THRB: variants seen among roughly 807,000 people sequenced by gnomAD.
THRB encodes thyroid hormone receptor beta.
Under a neutral mutation model 47.8 loss-of-function variants are expected in THRB, and 12 were observed. The observed-to-expected ratio is 0.25, with a 90% CI of 0.16 to 0.41. The LOEUF is 0.41. Among genes scored for constraint, THRB ranks in the 10% least tolerant of loss-of-function variants. The pLI is 1.00. For missense variants in THRB, 348 were observed against 589.2 expected, an observed-to-expected ratio of 0.59 and a Z score of 4.24; for synonymous variants, 218 against 212.2, an observed-to-expected ratio of 1.03 and a Z score of -0.24.
intron 1 of THRB, among the ~76,000 whole-genome samples, chr3:24,364,047 G>C (rs1318993614): frequency 1.3e-5 from 2 of 152,064 alleles, no homozygotes; most frequent in African/African-American, 4.8e-5. Flanking sequence ...GCAAACATTA[G>C]AATTCTACCT....
At chr3:24,173,438 T>C (rs1477451719) in intron 5 of THRB, among the ~76,000 whole-genome samples, 3 of 152,208 alleles carry the variant, frequency 2.0e-5, no homozygotes, top group Non-Finnish European at 4.4e-5. Flanking sequence ...GGCCTCTACT[T>C]TGAGTTTTGG....
chr3:24,348,439 C>T (rs2063158439), intron 1 of THRB: 1 of 151,492 alleles, frequency 6.6e-6, no homozygotes, highest in South Asian at 2.1e-4. Context: ...GACATTCAAA[C>T]ACACCAATGA....
intron 3 of THRB, among the ~76,000 whole-genome samples, chr3:24,290,368 C>T (rs974551692): frequency 6.6e-6 from 1 of 152,180 alleles, no homozygotes; most frequent in Non-Finnish European, 1.5e-5. Context: ...GGCCGAGACC[C>T]TCTTTGGGCC....
At chr3:24,412,201 A>T (rs2068363486) in intron 1 of THRB, among the ~76,000 whole-genome samples, 1 of 151,880 alleles carries the variant, frequency 6.6e-6, no homozygotes, top group South Asian at 2.1e-4. Context: ...CATTTTATTT[A>T]AACAAAAGTC....
intron 1 of THRB, among the ~76,000 whole-genome samples, chr3:24,467,893 T>C (rs1325843388): frequency 3.6e-5 from 4 of 111,166 alleles, no homozygotes; most frequent in Non-Finnish European, 7.8e-5. Context: ...CTTTGAAGAT[T>C]TGAACCAGGC....
At chr3:24,288,617 G>A (rs2150948592) in intron 3 of THRB, among the ~76,000 whole-genome samples, 1 of 152,238 alleles carries the variant, frequency 6.6e-6, no homozygotes, top group Non-Finnish European at 1.5e-5. Flanking sequence ...GCAATGAATA[G>A]TCCTGTCTTT....
At chr3:24,261,444 A>G (rs1159216066) in intron 3 of THRB, among the ~76,000 whole-genome samples, 1 of 140,800 alleles carries the variant, frequency 7.1e-6, no homozygotes, top group Non-Finnish European at 1.5e-5. Context: ...GGTTGCAGTG[A>G]GCGGAGATCG....
intron 3 of THRB, among the ~76,000 whole-genome samples, chr3:24,239,839 G>T (rs1229718179): frequency 2.0e-5 from 3 of 152,148 alleles, no homozygotes; most frequent in African/African-American, 7.2e-5. Context: ...CTGTAACAGA[G>T]ATTCCCAACT....
chr3:24,477,007 A>ATTTTTTTTTTTTTTTTTTTT (rs558247174), intron 1 of THRB, among the ~76,000 whole-genome samples: 15 of 126,474 alleles, frequency 1.2e-4, no homozygotes, highest in African/African-American at 4.6e-4. Context: ...GGTTTTCAAG[A>ATTTTTTTTTTTTTTTTTTTT]TTTTTTTTTT....
intron 1 of THRB, among the ~76,000 whole-genome samples, chr3:24,370,697 C>T (rs1184525869): frequency 1.3e-5 from 2 of 152,092 alleles, no homozygotes; most frequent in African/African-American, 4.8e-5. Flanking sequence ...AGGCACAATG[C>T]CACACTTCGG....
chr3:24,206,290 C>T (rs1216132018), intron 4 of THRB, among the ~76,000 whole-genome samples: 2 of 152,218 alleles, frequency 1.3e-5, no homozygotes, highest in Admixed American at 1.3e-4. Flanking sequence ...ACAGAAATCA[C>T]AACAAACTGT....
At chr3:24,380,844 C>T (rs186325797) in intron 1 of THRB, among the ~76,000 whole-genome samples, 155 of 152,210 alleles carry the variant, frequency 1.0e-3, no homozygotes, top group Non-Finnish European at 1.9e-3. Context: ...TGGCTGGGCA[C>T]GGTGGCTCAC....
intron 2 of THRB, among the ~76,000 whole-genome samples, chr3:24,325,463 G>C (rs920919252): frequency 1.3e-5 from 2 of 152,210 alleles, no homozygotes; most frequent in Non-Finnish European, 2.9e-5. Context: ...GAGGCGGATG[G>C]ATCACCTAAG....
chr3:24,158,585 C>T (rs1297930105), intron 5 of THRB, among the ~76,000 whole-genome samples: 4 of 152,000 alleles, frequency 2.6e-5, no homozygotes, highest in South Asian at 2.1e-4. Flanking sequence ...CCTGCCACCA[C>T]GCCCAGCTAT....
At chr3:24,131,152 G>C (rs1274771330) in intron 9 of THRB, among the ~76,000 whole-genome samples, 1 of 151,944 alleles carries the variant, frequency 6.6e-6, no homozygotes, top group Non-Finnish European at 1.5e-5. Flanking sequence ...GTACATTGTG[G>C]TATGCATTAT....
chr3:24,253,399 A>T (rs1408083708), intron 3 of THRB, among the ~76,000 whole-genome samples: 1 of 152,200 alleles, frequency 6.6e-6, no homozygotes, highest in African/African-American at 2.4e-5. Context: ...GAACAAACAC[A>T]GGAAAAAAAA....
At chr3:24,165,010 A>C in intron 5 of THRB, 1 of 721,138 alleles carries the variant, frequency 1.4e-6, no homozygotes, top group East Asian at 2.5e-5. Flanking sequence ...AACAAATTTA[A>C]GCAAAATGGT....
chr3:24,159,864 C>T (rs2038508487), intron 5 of THRB, among the ~76,000 whole-genome samples: 1 of 151,866 alleles, frequency 6.6e-6, no homozygotes, highest in African/African-American at 2.4e-5. Context: ...ATTATATGGC[C>T]CCAATGTCAA....
intron 1 of THRB, among the ~76,000 whole-genome samples, chr3:24,355,239 A>G (rs574923004): frequency 1.3e-5 from 2 of 152,256 alleles, no homozygotes; most frequent in Non-Finnish European, 2.9e-5. Context: ...TTGAGGAAAT[A>G]TTAGAAATAC....
Sources: gnomAD v4.1 joint callset for allele counts (sites outside exome capture counted in the v4.1 genomes callset) on GRCh38, gnomAD v4.1.1 for gene constraint, MANE v1.5 for transcripts, NCBI Gene and HGNC (gene_info 2026-07-23, HGNC 2026-07-21) for gene names.